The following SAMM50 variants were observed in gnomAD, a reference collection of about 807,000 sequenced individuals.
SAMM50 encodes sorting and assembly machinery component 50 homolog.
A neutral mutation model predicts 66.9 loss-of-function variants in SAMM50; 47 were observed. The observed-to-expected ratio is 0.70, with a 90% CI of 0.56 to 0.90. The LOEUF (loss-of-function observed/expected upper bound fraction) is 0.90, where lower values mean the gene tolerates loss of function less well. Among genes scored for constraint, SAMM50 ranks in the 40% least tolerant of loss-of-function variants. The probability of loss-of-function intolerance (pLI) is 0.00; values close to 1 mark genes in which losing one functional copy is unlikely to be tolerated. For missense variants in SAMM50, 535 were observed against 595.3 expected, an observed-to-expected ratio of 0.90 and a Z score of 1.05; for synonymous variants, 191 against 214.1, an observed-to-expected ratio of 0.89 and a Z score of 0.94.
intron 9 of SAMM50, 75 bp from the exon 10 acceptor site, chr22:43,977,797 A>G: frequency 2.0e-6 from 2 of 1,001,032 alleles, no homozygotes; most frequent in Non-Finnish European, 3.0e-6. Flanking sequence ...TTAAATCCTG[A>G]TGCAAAAACA....
chr22:43,987,913 T>TATATATATATAC (rs745965697), intron 12 of SAMM50: 4 of 151,292 alleles, frequency 2.6e-5, no homozygotes, highest in African/African-American at 9.7e-5. Flanking sequence ...TATATATATA[T>TATATATATATAC]ACACACACAG....
chr22:43,964,506 A>G lies in SAMM50; in HGVS notation c.187A>G (p.Ile63Val), dbSNP rs756767733. 1 of 1,612,922 alleles carries G rather than the reference A, an allele frequency of 6.2e-7. No homozygotes were observed. Among genetic ancestry groups the G allele is most frequent in the Non-Finnish European group, 8.5e-7 (1 of 1,178,930 alleles). ...DGLGRTKDDI[I>V]ICEIGDVFKA... ...ACTTGGAAGGACTAAAGATGATATC[A>G]TCATTTGTGAAATTGGAGATGTTTT... The change falls in exon 3 of 15, where the codon ATC (isoleucine) becomes GTC (valine). Residue 63 changes from isoleucine to valine, a missense_variant. Ile to Val is a conservative substitution (Grantham distance 29). Transcript: ENST00000350028.
In SAMM50 at chr22:43,976,103, C is replaced by A; in HGVS notation, c.697C>A (p.Arg233=). Residue 233 remains arginine, a synonymous_variant, in exon 8 of 15, where the codon CGA becomes AGA. Transcript: ENST00000350028. The part of the protein sequence containing the change: ...SHTVKWEGVW[R]ELGCLSRTAS... The stretch of plus-strand genomic sequence containing the variant: ...CACTGTCAAGTGGGAAGGCGTATGG[C>A]GAGAACTGGGCTGCCTCTCAAGGAC... 1 of 1,612,934 alleles carries A rather than the reference C, an allele frequency of 6.2e-7. No individual in the cohort carries two copies. The highest frequency in any genetic ancestry group is 8.5e-7 in the Non-Finnish European group (1 of 1,178,984).
At chr22:43,986,483 A>C (rs1327660309) in intron 12 of SAMM50, 4 of 152,114 alleles carry the variant, frequency 2.6e-5, no homozygotes, top group African/African-American at 7.2e-5. Flanking sequence ...TCCACATGCT[A>C]TGGAACTTTA....
intron 12 of SAMM50, chr22:43,986,556 T>C (rs999170272): frequency 1.4e-5 from 2 of 144,590 alleles, no homozygotes; most frequent in African/African-American, 5.1e-5. Context: ...ATTTTCTTAC[T>C]TTTTTTTTTT....
At chr22:43,990,567 G>A (rs567862650) in intron 14 of SAMM50, among the ~76,000 whole-genome samples, 161 bp downstream of exon 14, 3 of 152,268 alleles carry the variant, frequency 2.0e-5, no homozygotes, top group Admixed American at 1.3e-4. Flanking sequence ...CCTCCTTTGC[G>A]TTTTTCTCCA....
chr22:43,974,229 A>G (rs1341793541), intron 7 of SAMM50, among the ~76,000 whole-genome samples: 2 of 152,122 alleles, frequency 1.3e-5, no homozygotes, highest in Non-Finnish European at 2.9e-5. Flanking sequence ...TCCGACTCAC[A>G]GAGAGTGGGG....
chr22:43,959,329 T>A (rs548165587), intron 1 of SAMM50, among the ~76,000 whole-genome samples: 1 of 152,106 alleles, frequency 6.6e-6, no homozygotes, highest in Non-Finnish European at 1.5e-5. Flanking sequence ...TGTTGTTATA[T>A]TTTCTCTTGG....
intron 1 of SAMM50, among the ~76,000 whole-genome samples, chr22:43,955,833 G>C (rs1240554517): frequency 1.3e-5 from 2 of 152,260 alleles, no homozygotes; most frequent in Non-Finnish European, 2.9e-5. Flanking sequence ...CACTCGGCGA[G>C]TCCGTGGCCC....
At position 43,955,476 on chromosome 22, in the gene SAMM50, T is replaced by G. The variant is rs2050113685; in HGVS notation, c.-102T>G. 2 of 1,393,218 alleles carry G rather than the reference T, an allele frequency of 1.4e-6. No homozygotes were observed. Among genetic ancestry groups the G allele is most frequent in the African/African-American group, 1.4e-5 (1 of 70,264 alleles). 86.3% of individuals were successfully genotyped at this position (1,393,218 alleles called of 1,614,324 possible). On this transcript the variant is annotated 5_prime_UTR_variant, in exon 1 of 15. Coordinates refer to ENST00000350028, the MANE Select transcript of SAMM50 (RefSeq NM_015380.5). ...CGTCCGGGGGTTTGTGGGAGTTGCC[T>G]TGACCTGCAGCTCCGCCACCGCGGA...
At chr22:43,959,637 A>T (rs1268444548) in intron 1 of SAMM50, among the ~76,000 whole-genome samples, 1 of 151,886 alleles carries the variant, frequency 6.6e-6, no homozygotes, top group Non-Finnish European at 1.5e-5. Context: ...TCAAAGTGCC[A>T]GTGCTAGGTA....
At chr22:43,984,741 G>A (rs1039871370) in intron 12 of SAMM50, among the ~76,000 whole-genome samples, 1 of 152,078 alleles carries the variant, frequency 6.6e-6, no homozygotes, top group Non-Finnish European at 1.5e-5. Flanking sequence ...CGATTCTCCT[G>A]CCTCAGCCCC....
intron 14 of SAMM50, among the ~76,000 whole-genome samples, chr22:43,991,087 C>T (rs1034251442): frequency 3.3e-5 from 5 of 151,922 alleles, no homozygotes; most frequent in Non-Finnish European, 7.4e-5. Flanking sequence ...AGAGATTCTC[C>T]TGCCTCAGCC....
At chr22:43,977,843 C>A (rs2050240862) in intron 9 of SAMM50, 29 bp from the exon 10 acceptor site, 1 of 1,517,342 alleles carries the variant, frequency 6.6e-7, no homozygotes, top group Admixed American at 1.7e-5. Context: ...CTGTTTGCTC[C>A]CTTTGACCTG....
At chr22:43,996,199 G>C in intron 14 of SAMM50, 139 bp from the exon 15 acceptor site, 1 of 908,940 alleles carries the variant, frequency 1.1e-6, no homozygotes, top group Non-Finnish European at 1.8e-6. Flanking sequence ...GTGAGGGTGA[G>C]GCCGGCAGCC....
At chr22:43,996,007 C>CT (rs1483195771) in intron 14 of SAMM50, among the ~76,000 whole-genome samples, 1 of 152,218 alleles carries the variant, frequency 6.6e-6, no homozygotes, top group Admixed American at 6.5e-5. Flanking sequence ...GGCTCCTTCC[C>CT]TCCCTGCTCC....
At chr22:43,964,251 T>C (rs1041655996) in intron 2 of SAMM50, among the ~76,000 whole-genome samples, 31 of 152,152 alleles carry the variant, frequency 2.0e-4, no homozygotes, top group Non-Finnish European at 4.4e-5. Context: ...TCACAGAAAG[T>C]ACATAACGAG....
At chr22:43,963,160 C>G (rs2050155919) in intron 1 of SAMM50, 126 bp from the exon 2 acceptor site, 1 of 603,490 alleles carries the variant, frequency 1.7e-6, no homozygotes, top group South Asian at 2.4e-5. Context: ...TATTCCTGCC[C>G]CTACCTCTAC....
At chr22:43,985,282 G>C (rs2050286399) in intron 12 of SAMM50, among the ~76,000 whole-genome samples, 1 of 151,974 alleles carries the variant, frequency 6.6e-6, no homozygotes, top group Admixed American at 6.6e-5. Context: ...TTTGACAAAT[G>C]CATGATGTCC....
Sources: gnomAD v4.1 joint callset for allele counts (sites outside exome capture counted in the v4.1 genomes callset) on GRCh38, gnomAD v4.1.1 for gene constraint, MANE v1.5 for transcripts, NCBI Gene and HGNC (gene_info 2026-07-23, HGNC 2026-07-21) for gene names.